The following PSD3 variants were observed in gnomAD, a reference collection of about 807,000 sequenced individuals.
The protein encoded by PSD3 is pleckstrin and Sec7 domain containing 3, also known as PH and SEC7 domain-containing protein 3.
Under a neutral mutation model 105.5 loss-of-function variants are expected in PSD3, and 49 were observed. The observed-to-expected ratio is 0.46, with a 90% confidence interval of 0.37 to 0.59. The LOEUF is 0.59. Ranked by LOEUF, PSD3 falls within the 20% of genes least tolerant of loss-of-function variation. The pLI is 0.00. For missense variants in PSD3, 1,561 were observed against 1,263.8 expected (o/e 1.24, Z -3.57); for synonymous variants, 557 against 457.8 (o/e 1.22, Z -2.77).
intron 9 of PSD3, among the ~76,000 whole-genome samples, chr8:18,663,851 A>C (rs1049646283): frequency 1.2e-4 from 19 of 152,294 alleles, no homozygotes; most frequent in African/African-American, 4.6e-4. Context: ...GTTTTGAGCA[A>C]ATCTGTCAGT....
chr8:18,615,136 A>G (rs1211124304), intron 11 of PSD3, among the ~76,000 whole-genome samples: 1 of 151,896 alleles, frequency 6.6e-6, no homozygotes, highest in African/African-American at 2.4e-5. Context: ...TCGTAAAGCA[A>G]CCTTTTTCGA....
At chr8:18,547,536 T>G (rs1800520892) in intron 15 of PSD3, among the ~76,000 whole-genome samples, 1 of 152,304 alleles carries the variant, frequency 6.6e-6, no homozygotes, top group South Asian at 2.1e-4. Flanking sequence ...TCACCCTCAC[T>G]ATGCTGCCTT....
chr8:19,009,794 G>A (rs544881841), intron 1 of PSD3, among the ~76,000 whole-genome samples: 1 of 150,830 alleles, frequency 6.6e-6, no homozygotes, highest in Non-Finnish European at 1.5e-5. Context: ...GGGAGGCTGA[G>A]ACAGGAGAAT....
intron 9 of PSD3, among the ~76,000 whole-genome samples, chr8:18,763,314 A>C (rs112820076): frequency 1.4e-4 from 21 of 152,294 alleles, no homozygotes; most frequent in East Asian, 1.9e-4. Flanking sequence ...ATTTCACACA[A>C]AAAAAACTTA....
intron 14 of PSD3, among the ~76,000 whole-genome samples, chr8:18,563,331 C>G (rs1382156522): frequency 6.6e-6 from 1 of 151,678 alleles, no homozygotes; most frequent in African/African-American, 2.4e-5. Context: ...TAAACAGTAG[C>G]TGAACAAATA....
rs890865402 is a variant in PSD3, at chr8:18,530,755, C to G, written c.*4988G>C. ...GGAGCTATGCCCTTGGTATTGCACA[C>G]AGTACACTGCAAAAGATTCACAAGG... On this transcript the variant is annotated 3_prime_UTR_variant, in exon 16 of 16. Coordinates refer to ENST00000327040, the MANE Select transcript of PSD3 (RefSeq NM_015310.4). 5.3e-5 allele frequency: 8 copies of G among 151,144 alleles called. No homozygotes were observed. The highest frequency in any genetic ancestry group is 1.2e-4 in the Non-Finnish European group (8 of 67,926). 9.4% of individuals were successfully genotyped at this position (151,144 alleles called of 1,614,324 possible).
At chr8:18,679,101 C>G (rs141683197) in intron 9 of PSD3, among the ~76,000 whole-genome samples, 2 of 152,154 alleles carry the variant, frequency 1.3e-5, no homozygotes, top group African/African-American at 4.8e-5. Flanking sequence ...TATCAATGTC[C>G]TGTTTGACCA....
At position 18,946,737 on chromosome 8, in the gene PSD3, T is replaced by TA. The variant is rs1377466012; in HGVS notation, c.22-10596dup. The stretch of plus-strand genomic sequence containing the variant: ...CAATATGGTGAAACCCCATCTCTAC[T>TA]AAAAAAAAAATACAAAAGTTAGCTA... On this transcript the variant is annotated intron_variant, in intron 1 of 15. Coordinates refer to ENST00000327040, the MANE Select transcript of PSD3 (RefSeq NM_015310.4). Among the ~76,000 whole-genome samples, 1,133 of 147,858 alleles carry TA rather than the reference T, an allele frequency of 7.7e-3. 14 individuals carry two copies. Among genetic ancestry groups the TA allele is most frequent in the African/African-American group, 0.026 (1,033 of 40,482 alleles).
intron 1 of PSD3, among the ~76,000 whole-genome samples, chr8:18,992,407 G>T (rs371483810): frequency 1.3e-5 from 2 of 152,142 alleles, no homozygotes; most frequent in African/African-American, 2.4e-5. Flanking sequence ...GCTTGGAAGT[G>T]TCTGGCACAC....
chr8:18,709,579 C>G (rs1239194607), intron 9 of PSD3, among the ~76,000 whole-genome samples: 1 of 152,210 alleles, frequency 6.6e-6, no homozygotes, highest in African/African-American at 2.4e-5. Context: ...ACACCTCATA[C>G]AGCAGAGTTC....
intron 10 of PSD3, among the ~76,000 whole-genome samples, chr8:18,640,443 T>C (rs977848789): frequency 1.3e-5 from 2 of 152,188 alleles, no homozygotes; most frequent in African/African-American, 4.8e-5. Flanking sequence ...GGGAGGTAAC[T>C]GAATCATGGG....
At chr8:19,049,487 C>G (rs933216250) in intron 1 of PSD3, among the ~76,000 whole-genome samples, 8 of 151,986 alleles carry the variant, frequency 5.3e-5, no homozygotes, top group African/African-American at 1.9e-4. Flanking sequence ...GCCAGAAGTT[C>G]AGGACCAGCC....
chr8:18,635,376 A>T (rs902488830), intron 10 of PSD3, among the ~76,000 whole-genome samples: 6 of 152,186 alleles, frequency 3.9e-5, no homozygotes, highest in Admixed American at 6.5e-5. Flanking sequence ...AGGGAGATAC[A>T]GTTATGTATC....
intron 1 of PSD3, among the ~76,000 whole-genome samples, chr8:19,075,900 T>C (rs1829449870): frequency 6.6e-6 from 1 of 152,210 alleles, no homozygotes; most frequent in African/African-American, 2.4e-5. Flanking sequence ...ATGAATATGG[T>C]AACTTACACG....
intron 15 of PSD3, among the ~76,000 whole-genome samples, chr8:18,551,131 T>C (rs1800744268): frequency 2.6e-5 from 4 of 152,216 alleles, no homozygotes; most frequent in South Asian, 2.1e-4. Context: ...GATATGCCTC[T>C]GCACTGCTCC....
In PSD3 at chr8:18,872,236, A is replaced by G; in HGVS notation, c.628T>C (p.Tyr210His). The change falls in exon 3 of 16, where the codon TAT (tyrosine) becomes CAT (histidine). Residue 210 changes from tyrosine (Y) to histidine (H), a missense_variant. Transcript: ENST00000327040. ...GTGAGATCTTTCTGGATGCTCAAAT[A>G]AAAACTTTCCTCCGTTGTTACTTCA... ...SAEVTTEESF[Y>H]LSIQKDLTAL... 6.2e-7 allele frequency: 1 copy of G among 1,614,212 alleles called. No individual in the cohort carries two copies. The highest frequency in any genetic ancestry group is 1.3e-5 in the African/African-American group (1 of 75,046).
At chr8:19,050,700 G>T (rs894295516) in intron 1 of PSD3, among the ~76,000 whole-genome samples, 1 of 152,156 alleles carries the variant, frequency 6.6e-6, no homozygotes, top group Non-Finnish European at 1.5e-5. Flanking sequence ...GTGGTGGGAA[G>T]GGGGAGGGAT....
chr8:18,552,181 T>G (rs1315672732), intron 15 of PSD3, among the ~76,000 whole-genome samples: 1 of 152,200 alleles, frequency 6.6e-6, no homozygotes, highest in East Asian at 1.9e-4. Context: ...GCTATTAACC[T>G]GACCTTCAGC....
chr8:18,920,884 G>A (rs117343420), intron 2 of PSD3, among the ~76,000 whole-genome samples: 1 of 152,130 alleles, frequency 6.6e-6, no homozygotes, highest in Middle Eastern at 3.4e-3. Context: ...TATGAATAGA[G>A]GTACCTGTGT....
Sources: gnomAD v4.1 joint callset for allele counts (sites outside exome capture counted in the v4.1 genomes callset) on GRCh38, gnomAD v4.1.1 for gene constraint, MANE v1.5 for transcripts, NCBI Gene and HGNC (gene_info 2026-07-23, HGNC 2026-07-21) for gene names.